Variants in TRAPPC9 observed in about 807,000 individuals in gnomAD.
TRAPPC9 encodes trafficking protein particle complex subunit 9.
A neutral mutation model predicts 124.0 loss-of-function variants in TRAPPC9; 83 were observed. The observed-to-expected ratio is 0.67, with a 90% CI of 0.56 to 0.80. The LOEUF is 0.80. Among genes scored for constraint, TRAPPC9 ranks in the 30% least tolerant of loss-of-function variants. TRAPPC9 has a pLI of 0.00. For synonymous variants in TRAPPC9, 638 were observed against 617.5 expected (o/e 1.03, Z -0.49); for missense variants, 1,302 against 1,508.3 (o/e 0.86, Z 2.27).
At chr8:139,986,331 G>T (rs1295422306) in intron 19 of TRAPPC9, among the ~76,000 whole-genome samples, 2 of 152,242 alleles carry the variant, frequency 1.3e-5, no homozygotes, top group East Asian at 3.9e-4. Flanking sequence ...GTAAAACATG[G>T]ATGTGGAATG....
intron 7 of TRAPPC9, among the ~76,000 whole-genome samples, chr8:140,393,908 G>A (rs1457844582): frequency 1.3e-5 from 2 of 152,192 alleles, no homozygotes; most frequent in African/African-American, 4.8e-5. Flanking sequence ...CAAGCCAAGC[G>A]TCGTGCTGGG....
At chr8:140,384,677 C>T (rs6990538) in intron 7 of TRAPPC9, among the ~76,000 whole-genome samples, 9,590 of 152,140 alleles carry the variant, frequency 0.063, 775 homozygotes, top group African/African-American at 0.19. Flanking sequence ...AGCAAGTCTT[C>T]AGAGACCTAC....
chr8:140,312,756 TTC>T (rs1450751585), intron 9 of TRAPPC9, among the ~76,000 whole-genome samples: 2,225 of 142,766 alleles, frequency 0.016, 33 homozygotes, highest in African/African-American at 0.052. Flanking sequence ...CTTCTTCTTC[TTC>T]TTTTTTTTTT....
At chr8:140,239,112 T>G (rs2063796431) in intron 16 of TRAPPC9, among the ~76,000 whole-genome samples, 1 of 152,054 alleles carries the variant, frequency 6.6e-6, no homozygotes, top group African/African-American at 2.4e-5. Context: ...CCCTTTCTGT[T>G]TCACGGAGTC....
At chr8:140,171,244 TAC>T (rs2061958844) in intron 17 of TRAPPC9, among the ~76,000 whole-genome samples, 1 of 152,106 alleles carries the variant, frequency 6.6e-6, no homozygotes, top group Non-Finnish European at 1.5e-5. Flanking sequence ...GCATAAACAT[TAC>T]AGAGACCAAA....
Position 139,907,766 on chromosome 8 carries a change from C to T in TRAPPC9, c.2964+2381G>A, listed in dbSNP as rs193211377. Among the ~76,000 whole-genome samples, 45 of 152,290 alleles carry T rather than the reference C, an allele frequency of 3.0e-4. No individual in the cohort carries two copies. The highest frequency in any genetic ancestry group is 8.7e-4 in the African/African-American group (36 of 41,552). ...ATATACAGAAAATAGAGAAGTCAAA[C>T]GCAAAGACATTTTCTGTACTTTTTT... On this transcript the variant is annotated intron_variant, in intron 20 of 22. Transcript: ENST00000438773. This position sits in a 1 kb window ranked among gnomAD's most constrained non-coding sequence, Gnocchi z 4.7.
intron 19 of TRAPPC9, among the ~76,000 whole-genome samples, chr8:139,985,662 T>G (rs577164168): frequency 6.6e-6 from 1 of 152,164 alleles, no homozygotes; most frequent in South Asian, 2.1e-4. Context: ...CCCAAGCCAT[T>G]GAATCTCTAG....
intron 18 of TRAPPC9, among the ~76,000 whole-genome samples, chr8:140,017,729 A>T (rs1366027786): frequency 6.6e-6 from 1 of 152,226 alleles, no homozygotes; most frequent in African/African-American, 2.4e-5. Flanking sequence ...AAATAATTTT[A>T]TAATTCCACT....
chr8:140,133,268 T>C (rs1173871701), intron 17 of TRAPPC9, among the ~76,000 whole-genome samples: 2 of 152,206 alleles, frequency 1.3e-5, no homozygotes, highest in African/African-American at 2.4e-5. Flanking sequence ...TTTTTAAAAA[T>C]CAATGTGATG....
intron 17 of TRAPPC9, among the ~76,000 whole-genome samples, chr8:140,170,561 G>C (rs1294969629): frequency 6.6e-6 from 1 of 152,100 alleles, no homozygotes; most frequent in Non-Finnish European, 1.5e-5. Flanking sequence ...CCAATTAGGG[G>C]GACATATAGA....
chr8:139,812,233 A>G (rs1320011516), intron 21 of TRAPPC9, among the ~76,000 whole-genome samples: 1 of 152,230 alleles, frequency 6.6e-6, no homozygotes, highest in Non-Finnish European at 1.5e-5. Context: ...AGCAAAAAAA[A>G]CTGTTTAAGG....
At chr8:140,169,755 G>C (rs1459493444) in intron 17 of TRAPPC9, among the ~76,000 whole-genome samples, 1 of 152,152 alleles carries the variant, frequency 6.6e-6, no homozygotes, top group Non-Finnish European at 1.5e-5. Flanking sequence ...TCAGAGCCGG[G>C]GTCGGGAGGA....
At chr8:140,052,051 C>T (rs1182265307) in intron 17 of TRAPPC9, among the ~76,000 whole-genome samples, 1 of 152,102 alleles carries the variant, frequency 6.6e-6, no homozygotes, top group Non-Finnish European at 1.5e-5. Context: ...CATCAGGGGC[C>T]GGCCAGGTGA....
intron 21 of TRAPPC9, among the ~76,000 whole-genome samples, chr8:139,826,544 C>G (rs1331519014): frequency 6.6e-6 from 1 of 152,166 alleles, no homozygotes; most frequent in South Asian, 2.1e-4. Flanking sequence ...AGGGTGGGAA[C>G]CACGGCAGAG....
chr8:140,431,223 AAGGC>A (rs2070632253), intron 4 of TRAPPC9, among the ~76,000 whole-genome samples: 1 of 151,748 alleles, frequency 6.6e-6, no homozygotes, highest in Admixed American at 6.6e-5. Flanking sequence ...TTGGGAGGCC[AAGGC>A]AGGCGGATCA....
chr8:139,737,462 G>GCCTT lies in TRAPPC9; in HGVS notation c.3056-5261_3056-5260insAAGG, dbSNP rs1554633732. Among the ~76,000 whole-genome samples the GCCTT allele has an allele frequency of 7.3e-4, 23 of 31,302 alleles. 5 individuals are homozygous for GCCTT. The highest frequency in any genetic ancestry group is 1.8e-3 in the Admixed American group (4 of 2,282). The allele number at this position is 31,302 out of a possible 152,430, so 20.5% of individuals were successfully genotyped here. ...CACAGCCTTCAGGCGGGGGTCATCA[G>GCCTT]CCCTCCCCCCCCCCCCACGGAAAAC... On this transcript the variant is annotated intron_variant, in intron 21 of 22. Coordinates refer to ENST00000438773, the MANE Select transcript of TRAPPC9 (RefSeq NM_001160372.4).
At chr8:139,754,076 C>T (rs552095299) in intron 21 of TRAPPC9, among the ~76,000 whole-genome samples, 1 of 152,324 alleles carries the variant, frequency 6.6e-6, no homozygotes, top group Admixed American at 6.5e-5. Flanking sequence ...GTGTTCTTAG[C>T]TCAGGCTGGC....
At chr8:140,375,017 G>T (rs185846083) in intron 7 of TRAPPC9, among the ~76,000 whole-genome samples, 2 of 152,110 alleles carry the variant, frequency 1.3e-5, no homozygotes, top group Non-Finnish European at 2.9e-5. Context: ...AAGCTCGAGC[G>T]CAACTGCTTT....
At chr8:139,927,704 C>T (rs1832896358) in intron 19 of TRAPPC9, among the ~76,000 whole-genome samples, 1 of 152,066 alleles carries the variant, frequency 6.6e-6, no homozygotes, top group African/African-American at 2.4e-5. Context: ...TAGAAACAAC[C>T]CAAATGCCCA....
Sources: allele counts gnomAD v4.1 joint callset (sites outside exome capture counted in the v4.1 genomes callset), GRCh38; gene constraint gnomAD v4.1.1; non-coding constraint Gnocchi (gnomAD v3.1); transcripts MANE v1.5; gene names NCBI Gene and HGNC (gene_info 2026-07-23, HGNC 2026-07-21).